Variants in GPHN observed in about 807,000 individuals in gnomAD.
GPHN encodes gephyrin.
In GPHN, 17 loss-of-function variants were observed where a neutral mutation model predicts 95.5. The ratio of observed to expected loss-of-function variants is 0.18; its 90% CI spans 0.12 to 0.27. The LOEUF is 0.27. Among genes scored for constraint, GPHN ranks in the 10% least tolerant of loss-of-function variants. The pLI, the probability that GPHN is intolerant of heterozygous loss-of-function variation, is 1.00. For missense variants in GPHN, 660 were observed against 978.1 expected (o/e 0.67, Z 4.34); for synonymous variants, 320 against 322.5 (o/e 0.99, Z 0.08).
the GPHN span, among the ~76,000 whole-genome samples, chr14:67,445,422 GTTGGAGAA>G: frequency 1.3e-4 from 19 of 151,940 alleles, no homozygotes; most frequent in African/African-American, 4.6e-4. Context: ...CCCAGTTCGT[GTTGGAGAA>G]TTGGAGAATT....
the GPHN span, among the ~76,000 whole-genome samples, chr14:67,238,318 G>A: frequency 7.1e-6 from 1 of 141,522 alleles, no homozygotes; most frequent in Non-Finnish European, 1.5e-5. Flanking sequence ...GCTCAGGCTA[G>A]AGTGCAGTGA....
At chr14:66,676,051 C>CAT (rs1167914378) in intron 1 of GPHN, among the ~76,000 whole-genome samples, 30 of 150,684 alleles carry the variant, frequency 2.0e-4, no homozygotes, top group African/African-American at 6.6e-4. Flanking sequence ...GTTTGTTACA[C>CAT]ACACATATAT....
At chr14:67,368,761 G>A in the GPHN span, among the ~76,000 whole-genome samples, 1 of 152,272 alleles carries the variant, frequency 6.6e-6, no homozygotes, top group Admixed American at 6.5e-5. Flanking sequence ...AGTGGTCTGT[G>A]CTTGTAGTCA....
the GPHN span, chr14:67,662,603 T>C: frequency 1.4e-6 from 2 of 1,408,192 alleles, no homozygotes; most frequent in Middle Eastern, 1.8e-4. Flanking sequence ...CCATTCCCTC[T>C]GCTTCGAATA....
At chr14:66,633,383 CTT>C (rs1294830391) in intron 1 of GPHN, among the ~76,000 whole-genome samples, 2 of 152,140 alleles carry the variant, frequency 1.3e-5, no homozygotes, top group East Asian at 3.8e-4. Flanking sequence ...GGCAGGCAAA[CTT>C]TTCTATTTCC....
chr14:67,273,720 C>T, the GPHN span, among the ~76,000 whole-genome samples: 2 of 152,236 alleles, frequency 1.3e-5, no homozygotes, highest in Non-Finnish European at 2.9e-5. Flanking sequence ...AATGGTTGAA[C>T]TAGTTTACAC....
intron 1 of GPHN, among the ~76,000 whole-genome samples, chr14:66,623,413 T>C (rs2063388270): frequency 6.6e-6 from 1 of 152,010 alleles, no homozygotes; most frequent in African/African-American, 2.4e-5. Context: ...TGCTTGATCA[T>C]GTGACTGGCT....
chr14:66,744,440 A>G (rs571393386), intron 2 of GPHN, among the ~76,000 whole-genome samples: 1 of 152,300 alleles, frequency 6.6e-6, no homozygotes, highest in East Asian at 1.9e-4. Flanking sequence ...GTGAGGCACA[A>G]CGTGTGTTTG....
chr14:67,186,599 C>T (rs939652195), downstream of GPHN, among the ~76,000 whole-genome samples: 3 of 152,122 alleles, frequency 2.0e-5, no homozygotes, highest in Admixed American at 6.5e-5. Flanking sequence ...AGCCCTCTGA[C>T]GAGAGGGCGC....
the GPHN span, among the ~76,000 whole-genome samples, chr14:67,657,589 C>T: frequency 3.5e-5 from 5 of 141,126 alleles, no homozygotes; most frequent in South Asian, 2.2e-4. Flanking sequence ...TCAAAGCACG[C>T]GCGCGCGTGC....
At chr14:67,717,602 G>A in the GPHN span, among the ~76,000 whole-genome samples, 1 of 152,202 alleles carries the variant, frequency 6.6e-6, no homozygotes, top group Non-Finnish European at 1.5e-5. Flanking sequence ...GTTCCCAAAC[G>A]GGGGTGATTT....
At chr14:66,738,864 T>C (rs2072529018) in intron 2 of GPHN, among the ~76,000 whole-genome samples, 1 of 152,146 alleles carries the variant, frequency 6.6e-6, no homozygotes, top group Non-Finnish European at 1.5e-5. Context: ...TTTCTCCTCA[T>C]GAAATCATTT....
the GPHN span, among the ~76,000 whole-genome samples, chr14:67,633,278 T>TC: frequency 1.3e-5 from 2 of 152,220 alleles, no homozygotes; most frequent in Non-Finnish European, 2.9e-5. Context: ...TCTTTTTTTT[T>TC]CTTCTTTGCA....
chr14:67,017,255 G>A (rs1385529239), intron 9 of GPHN, among the ~76,000 whole-genome samples: 1 of 152,082 alleles, frequency 6.6e-6, no homozygotes, highest in Non-Finnish European at 1.5e-5. Flanking sequence ...AAAAAGTGAT[G>A]CATGAATGGA....
At chr14:67,407,839 G>A in the GPHN span, among the ~76,000 whole-genome samples, 15 of 152,260 alleles carry the variant, frequency 9.9e-5, no homozygotes, top group Non-Finnish European at 1.8e-4. Context: ...TGGGCCCAGT[G>A]GTGTGTACTT....
intron 6 of GPHN, among the ~76,000 whole-genome samples, chr14:66,920,956 C>A (rs2066183825): frequency 6.6e-6 from 1 of 152,066 alleles, no homozygotes; most frequent in Non-Finnish European, 1.5e-5. Flanking sequence ...GAGTAATATA[C>A]CATCATATAT....
the GPHN span, chr14:67,381,769 T>C: frequency 9.4e-7 from 1 of 1,069,090 alleles, no homozygotes; most frequent in Non-Finnish European, 1.4e-6. Flanking sequence ...TTTCTTTTTT[T>C]TTTTTTAATC....
the GPHN span, among the ~76,000 whole-genome samples, chr14:67,507,539 C>T: frequency 1.3e-5 from 2 of 151,972 alleles, no homozygotes; most frequent in East Asian, 3.9e-4. Flanking sequence ...GCCTCGACCT[C>T]CCAGGCTTAA....
chr14:67,437,073 A>G, the GPHN span, among the ~76,000 whole-genome samples: 1 of 152,080 alleles, frequency 6.6e-6, no homozygotes, highest in Non-Finnish European at 1.5e-5. Context: ...CAAACAAACA[A>G]CAACAATAAA....
Sources: allele counts gnomAD v4.1 joint callset (sites outside exome capture counted in the v4.1 genomes callset), GRCh38; gene constraint gnomAD v4.1.1; transcripts MANE v1.5; gene names NCBI Gene and HGNC (gene_info 2026-07-23, HGNC 2026-07-21).